The following FMO2 variants were observed in gnomAD, a reference collection of about 807,000 sequenced individuals.
FMO2 encodes the protein flavin-containing monooxygenase 2.
In FMO2, 33 loss-of-function variants were observed where a neutral mutation model predicts 41.6. That is an observed-to-expected ratio of 0.79 (90% CI 0.60 to 1.06). FMO2 has a LOEUF of 1.06. FMO2 is among the 50% of genes least tolerant of loss of function. The pLI, the probability that FMO2 is intolerant of heterozygous loss-of-function variation, is 0.00. For synonymous variants in FMO2, 214 were observed against 219.6 expected, an observed-to-expected ratio of 0.97 and a Z score of 0.23; for missense variants, 619 against 632.9, an observed-to-expected ratio of 0.98 and a Z score of 0.23.
At chr1:171,194,062 G>A (rs973171362) in intron 3 of FMO2, among the ~76,000 whole-genome samples, 2 of 152,166 alleles carry the variant, frequency 1.3e-5, no homozygotes, top group African/African-American at 4.8e-5. Context: ...TTACAGGTGT[G>A]AACCACCACA....
intron 7 of FMO2, 108 bp downstream of exon 7, chr1:171,205,742 C>G (rs1658737740): frequency 1.5e-6 from 1 of 666,078 alleles, no homozygotes; most frequent in African/African-American, 1.8e-5. Context: ...AAAAGTTTGA[C>G]AACCTTGGCT....
intron 2 of FMO2, among the ~76,000 whole-genome samples, chr1:171,188,234 C>T (rs569138858): frequency 6.6e-6 from 1 of 152,114 alleles, no homozygotes; most frequent in South Asian, 2.1e-4. Context: ...AGTCTGCCAA[C>T]AATATGATTT....
intron 8 of FMO2, 119 bp downstream of exon 8, chr1:171,207,909 ATG>A: frequency 3.0e-6 from 2 of 668,216 alleles, no homozygotes; most frequent in Non-Finnish European, 5.3e-6. Flanking sequence ...TATAGCCCAG[ATG>A]ATTGAATCAG....
At chr1:171,198,702 C>T (rs1176561028) in intron 4 of FMO2, among the ~76,000 whole-genome samples, 2 of 152,002 alleles carry the variant, frequency 1.3e-5, no homozygotes, top group South Asian at 2.1e-4. Flanking sequence ...TGAGCCACCA[C>T]ACCTTGCCTA....
At position 171,185,748 on chromosome 1, in the gene FMO2, T is replaced by C. The variant is rs190823297; in HGVS notation, c.35T>C (p.Val12Ala). ...AKKVAVIGAG[V>A]SGLISLKCCV... is the part of the protein sequence containing the mutation. The stretch of plus-strand genomic sequence containing the variant: ...AAGGTAGCTGTGATTGGAGCTGGGG[T>C]CAGTGGCCTAATTTCTCTGAAGTGC... Residue 12 changes from valine (V) to alanine (A), a missense_variant, in exon 2 of 9, where the codon GTC becomes GCC. Physicochemically the swap from Val to Ala is moderately conservative, Grantham distance 64. Transcript: ENST00000209929. 2 of 1,613,826 alleles carry C rather than the reference T, an allele frequency of 1.2e-6. No individual in the cohort carries two copies. The highest frequency in any genetic ancestry group is 1.7e-6 in the Non-Finnish European group (2 of 1,179,816).
At position 171,209,043 on chromosome 1, in the gene FMO2, G is replaced by C; in HGVS notation, c.1506G>C (p.Arg502=). The part of the protein sequence containing the change: ...KQRILKPLKT[R]ALKDSSNFSV... The stretch of plus-strand genomic sequence containing the variant: ...GAATACTGAAGCCACTCAAGACTCG[G>C]GCCCTGAAGGATTCATCTAATTTCT... The change falls in exon 9 of 9, where the codon CGG becomes CGC. Residue 502 remains arginine, a synonymous_variant. Transcript: ENST00000209929. The C allele has an allele frequency of 8.2e-7, 1 of 1,224,302 alleles. No individual in the cohort carries two copies. The highest frequency in any genetic ancestry group is 1.4e-5 in the South Asian group (1 of 70,092). The allele number at this position is 1,224,302 out of a possible 1,614,324, so 75.8% of individuals were successfully genotyped here.
rs28369812 is a variant in FMO2 at position 171,188,333 on chromosome 1, T to C, written c.132+2488T>C. Among the ~76,000 whole-genome samples the C allele has an allele frequency of 3.9e-4, 59 of 152,340 alleles. 1 individual carries two copies. Among genetic ancestry groups the C allele is most frequent in the South Asian group, 3.3e-3 (16 of 4,828 alleles). The stretch of plus-strand genomic sequence containing the variant: ...CTAAAATTTCAGATTAGAGATAACT[T>C]CCTATTCACTAGAAAAACTGGATTA... On this transcript the variant is annotated intron_variant, in intron 2 of 8. Coordinates refer to ENST00000209929, the MANE Select transcript of FMO2 (RefSeq NM_001460.5).
At chr1:171,192,191 T>C (rs1425638857) in intron 2 of FMO2, among the ~76,000 whole-genome samples, 5 of 152,176 alleles carry the variant, frequency 3.3e-5, no homozygotes, top group Non-Finnish European at 7.3e-5. Context: ...ACACATCAGT[T>C]TGACATCAGT....
intron 7 of FMO2, 104 bp downstream of exon 7, chr1:171,205,738 T>C (rs1488695558): frequency 4.3e-6 from 3 of 696,358 alleles, no homozygotes; most frequent in Middle Eastern, 2.5e-4. Context: ...AAGAAAAAGT[T>C]TGACAACCTT....
Position 171,207,766 on chromosome 1 carries a change from A to G in FMO2, c.1232A>G (p.Lys411Arg), listed in dbSNP as rs746758623. ...SERTMMMDII[K>R]RNEKRIDLFG... ...AGAACTATGATGATGGACATTATCA[A>G]AAGGAATGAAAAAAGAATTGACCTG... The change falls in exon 8 of 9, where the codon AAA becomes AGA. Residue 411 changes from lysine to arginine, a missense_variant. Transcript: ENST00000209929. 1 of 1,607,996 alleles carries G rather than the reference A, an allele frequency of 6.2e-7. No individual in the cohort carries two copies. Among genetic ancestry groups the G allele is most frequent in the Admixed American group, 1.7e-5 (1 of 59,916 alleles).
chr1:171,187,364 G>A lies in FMO2; in HGVS notation c.132+1519G>A, dbSNP rs1657893611. ...ATATAAAGGGCTCTCACTGCAGGCT[G>A]ACTAGTTAGGAGGATGGCAAGGTGA... On this transcript the variant is annotated intron_variant, in intron 2 of 8. Transcript: ENST00000209929. Among the ~76,000 whole-genome samples, 5 of 152,130 alleles carry A rather than the reference G, an allele frequency of 3.3e-5. No individual in the cohort carries two copies. In the South Asian group the frequency reaches 1.0e-3, roughly 31 times the overall value.
chr1:171,189,791 C>T (rs182112575), intron 2 of FMO2, among the ~76,000 whole-genome samples: 1 of 151,794 alleles, frequency 6.6e-6, no homozygotes, highest in Admixed American at 6.6e-5. Flanking sequence ...CCTTGTGCCA[C>T]CACACATCTG....
rs1370712211 is a variant in FMO2, at chr1:171,203,729, A to T, written c.628-136A>T. ...GGTACCCCTATTTAGGAGGTACTTTACATTGAGGTCAATCATCTTTAAAAC... is the reference window on the plus strand; with the variant it reads ...GGTACCCCTATTTAGGAGGTACTTTTCATTGAGGTCAATCATCTTTAAAAC... On this transcript the variant is annotated intron_variant, in intron 5 of 8. Coordinates refer to ENST00000209929, the MANE Select transcript of FMO2 (RefSeq NM_001460.5). The T allele has an allele frequency of 2.1e-5, 15 of 725,144 alleles. 1 individual carries two copies. In the East Asian group the frequency reaches 4.0e-4, roughly 20 times the overall value. The allele number at this position is 725,144 out of a possible 1,614,324, so 44.9% of individuals were successfully genotyped here.
chr1:171,195,554 A>G (rs1658272356), intron 3 of FMO2, among the ~76,000 whole-genome samples: 1 of 152,232 alleles, frequency 6.6e-6, no homozygotes, highest in Admixed American at 6.5e-5. Context: ...CTTTTACAAG[A>G]TTTCTACTAA....
Position 171,212,094 on chromosome 1 carries a change from T to C in FMO2, c.*2949T>C, listed in dbSNP as rs1659006410. ...CTCCTGTAAAGAATGTCAATGGTTA[T>C]CACCTTCAATAGTTTCAATATGTCC... On this transcript the variant is annotated 3_prime_UTR_variant, in exon 9 of 9. Transcript: ENST00000209929. Among the ~76,000 whole-genome samples the C allele has an allele frequency of 6.6e-6, 1 of 152,234 alleles. No individual in the cohort carries two copies. Among genetic ancestry groups the C allele is most frequent in the Non-Finnish European group, 1.5e-5 (1 of 68,038 alleles).
At position 171,199,381 on chromosome 1, in the gene FMO2, C is replaced by T. The variant is rs750684947; in HGVS notation, c.520C>T (p.Arg174Cys). Reference protein sequence around the residue: ...ERFKGQYFHSRQYKHPDGFEG... With the variant: ...ERFKGQYFHSCQYKHPDGFEG... The stretch of plus-strand genomic sequence containing the variant: ...GTTCAAAGGCCAATATTTCCATAGC[C>T]GCCAATACAAGCATCCAGATGGATT... The change falls in exon 5 of 9, where the codon CGC becomes TGC. Residue 174 changes from arginine to cysteine, a missense_variant. Coordinates refer to ENST00000209929, the MANE Select transcript of FMO2 (RefSeq NM_001460.5). The T allele has an allele frequency of 8.7e-6, 14 of 1,610,376 alleles. No individual in the cohort carries two copies. The highest frequency in any genetic ancestry group is 4.5e-5 in the East Asian group (2 of 44,626).
intron 2 of FMO2, 127 bp downstream of exon 2, chr1:171,185,972 T>A: frequency 9.4e-7 from 1 of 1,060,700 alleles, no homozygotes; most frequent in South Asian, 1.6e-5. Context: ...TACTTATTGA[T>A]GTGGCCATAA....
Position 171,185,475 on chromosome 1 carries a change from C to T in FMO2, c.-7+116C>T, listed in dbSNP as rs559143716. ...TAGTCTGGCTTTGTTCAATGGGTCG[C>T]TTTTAAATATTAAAGCTAGATGTAA... is the stretch of plus-strand genomic sequence containing the variant. On this transcript the variant is annotated intron_variant, in intron 1 of 8. Coordinates refer to ENST00000209929, the MANE Select transcript of FMO2 (RefSeq NM_001460.5). 1.8e-5 allele frequency: 7 copies of T among 395,376 alleles called. No individual in the cohort carries two copies. The South Asian group carries it at 2.6e-4, about 15-fold the overall frequency. The allele number at this position is 395,376 out of a possible 1,614,324, so 24.5% of individuals were successfully genotyped here.
chr1:171,189,654 C>CTTTTTTTTTTTTTTTTTTTTTTTTT lies in FMO2; in HGVS notation c.133-3677_133-3676insTTTTTTTTTTTTTTTTTTTTTTTTT, dbSNP rs199536748. 4.9e-5 allele frequency among the ~76,000 whole-genome samples: 6 copies of CTTTTTTTTTTTTTTTTTTTTTTTTT among 122,772 alleles called. 2 individuals are homozygous for CTTTTTTTTTTTTTTTTTTTTTTTTT. Among genetic ancestry groups the CTTTTTTTTTTTTTTTTTTTTTTTTT allele is most frequent in the East Asian group, 2.5e-4 (1 of 3,958 alleles). 80.5% of individuals were successfully genotyped at this position (122,772 alleles called of 152,430 possible). A position where few individuals can be genotyped will look rare whatever the true frequency, so the allele number is the denominator to read the frequency against. On this transcript the variant is annotated intron_variant, in intron 2 of 8. Transcript: ENST00000209929. ...ACAGAAATCTGAGCCCGTCTTTTTT[C>CTTTTTTTTTTTTTTTTTTTTTTTTT]TTTTCTTTTTTTTTTTTTTTTTGAG... is the stretch of plus-strand genomic sequence containing the variant.
Sources: allele counts gnomAD v4.1 joint callset (sites outside exome capture counted in the v4.1 genomes callset), GRCh38; gene constraint gnomAD v4.1.1; transcripts MANE v1.5; gene names NCBI Gene and HGNC (gene_info 2026-07-23, HGNC 2026-07-21).